The following ATG16L1 variants were observed in gnomAD, a reference collection of about 807,000 sequenced individuals.
ATG16L1 encodes the protein autophagy-related protein 16-1.
ATG16L1 carries 37 observed loss-of-function variants against 88.5 expected under a neutral mutation model. That is an observed-to-expected ratio of 0.42 (90% CI 0.32 to 0.55). The LOEUF is 0.55. ATG16L1 is among the 20% of genes least tolerant of loss of function. ATG16L1 has a pLI of 0.13. For missense variants in ATG16L1, 554 were observed against 752.8 expected, an observed-to-expected ratio of 0.74 and a Z score of 3.09; for synonymous variants, 301 against 281.0, an observed-to-expected ratio of 1.07 and a Z score of -0.71.
intron 6 of ATG16L1, among the ~76,000 whole-genome samples, chr2:233,271,212 A>G (rs1697966715): frequency 6.6e-6 from 1 of 152,226 alleles, no homozygotes; most frequent in East Asian, 1.9e-4. Flanking sequence ...ATCCTGCCCA[A>G]GATCATACAG....
Position 233,256,121 on chromosome 2 carries a change from G to C in ATG16L1, c.135G>C (p.Lys45Asn). Residue 45 changes from lysine to asparagine, a missense_variant, in exon 2 of 18, where the codon AAG becomes AAC. By Grantham distance (94) the Lys-to-Asn change is moderately conservative (BLOSUM62 0). Coordinates refer to ENST00000392017, the MANE Select transcript of ATG16L1 (RefSeq NM_030803.7). ...IILQYNKLLEKSDLHSVLAQK... is the reference protein window; with the variant it reads ...IILQYNKLLENSDLHSVLAQK... ...TAATAGATAACAAATTGCTGGAAAA[G>C]TCAGATCTTCATTCAGTGTTGGCCC... is the stretch of plus-strand genomic sequence containing the variant. 1 of 1,613,926 alleles carries C rather than the reference G, an allele frequency of 6.2e-7. No individual in the cohort carries two copies. Among genetic ancestry groups the C allele is most frequent in the Non-Finnish European group, 8.5e-7 (1 of 1,179,920 alleles).
intron 12 of ATG16L1, among the ~76,000 whole-genome samples, chr2:233,283,559 C>CT (rs1180974228): frequency 2.8e-3 from 402 of 144,974 alleles, no homozygotes; most frequent in African/African-American, 8.7e-3. Flanking sequence ...AATTTTTTTT[C>CT]TTTTTTTTTT....
chr2:233,263,987 C>T lies in ATG16L1; in HGVS notation c.316-5C>T. 1 of 1,613,526 alleles carries T rather than the reference C, an allele frequency of 6.2e-7. No individual in the cohort carries two copies. Among genetic ancestry groups the T allele is most frequent in the Non-Finnish European group, 8.5e-7 (1 of 1,179,560 alleles). ...TTTATGAAAGTATTCTTCTTTATCT[C>T]CCAGTTAGCTCAACTGGTGATTGAC... On this transcript the variant is annotated splice_polypyrimidine_tract_variant and splice_region_variant and intron_variant, in intron 3 of 17. Coordinates refer to ENST00000392017, the MANE Select transcript of ATG16L1 (RefSeq NM_030803.7).
chr2:233,283,901 A>G (rs1698896636), intron 12 of ATG16L1, among the ~76,000 whole-genome samples: 1 of 148,300 alleles, frequency 6.7e-6, no homozygotes, highest in Non-Finnish European at 1.5e-5. Flanking sequence ...CTAGAGTGCA[A>G]TGGCGCAATC....
intron 6 of ATG16L1, among the ~76,000 whole-genome samples, chr2:233,270,998 A>T (rs1337286311): frequency 6.6e-6 from 1 of 152,236 alleles, no homozygotes; most frequent in Non-Finnish European, 1.5e-5. Context: ...AAAGGTTCCC[A>T]TATCATGCCT....
rs1222564798 is a variant in ATG16L1 at position 233,294,774 on chromosome 2, C to G, written c.*424C>G. On this transcript the variant is annotated 3_prime_UTR_variant, in exon 18 of 18. Transcript: ENST00000392017. The stretch of plus-strand genomic sequence containing the variant: ...TCTGGCCTAACGCATGTCCCAACAC[C>G]TTGGGTTCATTTGCCCGGTGAACTC... 1 of 155,252 alleles carries G rather than the reference C, an allele frequency of 6.4e-6. No individual in the cohort carries two copies. The highest frequency in any genetic ancestry group is 2.4e-5 in the African/African-American group (1 of 41,524). 9.6% of individuals were successfully genotyped at this position (155,252 alleles called of 1,614,324 possible).
rs773504423 is a variant in ATG16L1 at position 233,251,812 on chromosome 2, C to T, written c.-16C>T. On this transcript the variant is annotated 5_prime_UTR_variant, in exon 1 of 18. Coordinates refer to ENST00000392017, the MANE Select transcript of ATG16L1 (RefSeq NM_030803.7). Reference sequence around the variant, plus strand: ...GCTCGCATTGGTGGCGCTGAGGTGCCGGGGCAGCAAGTGACATGTCGTCGG... The same window carrying T: ...GCTCGCATTGGTGGCGCTGAGGTGCTGGGGCAGCAAGTGACATGTCGTCGG... The T allele has an allele frequency of 3.1e-5, 48 of 1,548,372 alleles. No individual in the cohort carries two copies. The South Asian group carries it at 5.5e-4, about 18-fold the overall frequency.
In ATG16L1 at chr2:233,289,864, C is replaced by T. The variant is rs1248529688; in HGVS notation, c.1214C>T (p.Thr405Met). The T allele has an allele frequency of 1.2e-6, 2 of 1,614,052 alleles. No homozygotes were observed. Among genetic ancestry groups the T allele is most frequent in the African/African-American group, 1.3e-5 (1 of 74,928 alleles). The change falls in exon 13 of 18, where the codon ACG becomes ATG. Residue 405 changes from threonine to methionine, a missense_variant. This residue lies in a region of ATG16L1 where 370 missense variants were observed against 509.7 expected (regional missense o/e 0.73). Coordinates refer to ENST00000392017, the MANE Select transcript of ATG16L1 (RefSeq NM_030803.7). ...VDDYRLRHTL[T>M]GHSGKVLSAK... is the part of the protein sequence containing the mutation. ...TGTTCTCTCTCCTAGCACACACTCA[C>T]GGGACACAGTGGGAAAGTGCTGTCT...
chr2:233,290,013 G>C (rs1286212015), intron 13 of ATG16L1, 39 bp downstream of exon 13: 2 of 1,604,950 alleles, frequency 1.2e-6, no homozygotes, highest in South Asian at 1.1e-5. Flanking sequence ...TATATGCTTA[G>C]ATGTTAGCGT....
chr2:233,273,890 A>C, intron 8 of ATG16L1, 113 bp downstream of exon 8: 1 of 1,501,958 alleles, frequency 6.7e-7, no homozygotes, highest in Admixed American at 1.9e-5. Flanking sequence ...CAGAGTATAC[A>C]TATGCCTTAA....
At chr2:233,287,937 TG>T (rs1699193292) in intron 12 of ATG16L1, among the ~76,000 whole-genome samples, 1 of 152,154 alleles carries the variant, frequency 6.6e-6, no homozygotes, top group Non-Finnish European at 1.5e-5. Context: ...TCTCTGCCCA[TG>T]ATTTGTGCAG....
Position 233,294,434 on chromosome 2 carries a change from G to T in ATG16L1, c.*84G>T. On this transcript the variant is annotated 3_prime_UTR_variant, in exon 18 of 18. Coordinates refer to ENST00000392017, the MANE Select transcript of ATG16L1 (RefSeq NM_030803.7). ...CTGCAGCCCTGTCCTGGCAGGTGAT[G>T]TGCTGGGTATAGCATGGACCTCCCA... 8.9e-7 allele frequency: 1 copy of T among 1,129,472 alleles called. No individual in the cohort carries two copies. The highest frequency in any genetic ancestry group is 1.3e-6 in the Non-Finnish European group (1 of 768,514). 70.0% of individuals were successfully genotyped at this position (1,129,472 alleles called of 1,614,324 possible). A position where few individuals can be genotyped will look rare whatever the true frequency, so the allele number is the denominator to read the frequency against.
intron 12 of ATG16L1, chr2:233,288,803 G>T (rs1451776356): frequency 1.9e-6 from 1 of 519,096 alleles, no homozygotes; most frequent in African/African-American, 1.9e-5. Context: ...CTGACACTCC[G>T]TGATGTCCCT....
chr2:233,294,311 G>T lies in ATG16L1; in HGVS notation c.1785G>T (p.Val595=). ...WSPSGSHVVS[V]DKGCKAVLWA... is the part of the protein sequence containing the mutation. The stretch of plus-strand genomic sequence containing the variant: ...CCTCTGGCTCGCACGTTGTCAGTGT[G>T]GACAAAGGATGCAAAGCTGTGCTGT... Residue 595 remains valine (V), a synonymous_variant, in exon 18 of 18, where the codon GTG becomes GTT. Transcript: ENST00000392017. 1 of 1,613,746 alleles carries T rather than the reference G, an allele frequency of 6.2e-7. No individual in the cohort carries two copies. The highest frequency in any genetic ancestry group is 8.5e-7 in the Non-Finnish European group (1 of 1,179,912).
At chr2:233,268,756 T>A (rs752968582) in intron 5 of ATG16L1, among the ~76,000 whole-genome samples, 1 of 152,222 alleles carries the variant, frequency 6.6e-6, no homozygotes, top group Non-Finnish European at 1.5e-5. Context: ...GTAAAACTTA[T>A]TTTTCATCTT....
intron 12 of ATG16L1, chr2:233,288,612 G>C (rs916608482): frequency 3.0e-5 from 12 of 398,050 alleles, no homozygotes; most frequent in Non-Finnish European, 6.0e-5. Context: ...GAAAACATCA[G>C]TGAATACCTT....
chr2:233,258,017 ATATCT>A (rs1387534511), intron 2 of ATG16L1, among the ~76,000 whole-genome samples: 9 of 128,098 alleles, frequency 7.0e-5, no homozygotes, highest in South Asian at 2.3e-4. Context: ...AAAAAAAAAA[ATATCT>A]ATATATCTAT....
chr2:233,289,540 C>T (rs1032685865), intron 12 of ATG16L1, among the ~76,000 whole-genome samples: 16 of 152,094 alleles, frequency 1.1e-4, no homozygotes, highest in Admixed American at 2.6e-4. Flanking sequence ...CGCATGCCAC[C>T]ACTCCCTGCA....
chr2:233,269,545 A>T (rs1697840681), intron 5 of ATG16L1, among the ~76,000 whole-genome samples: 1 of 152,250 alleles, frequency 6.6e-6, no homozygotes, highest in Non-Finnish European at 1.5e-5. Context: ...CAAGATTTAT[A>T]TCATGTTTAT....
Sources: gnomAD v4.1 joint callset for allele counts (sites outside exome capture counted in the v4.1 genomes callset) on GRCh38, gnomAD v4.1.1 for gene constraint, gnomAD v4.1.1 regional missense constraint, MANE v1.5 for transcripts, NCBI Gene and HGNC (gene_info 2026-07-23, HGNC 2026-07-21) for gene names.